CDC27: variants seen among roughly 807,000 people sequenced by gnomAD.
The protein encoded by CDC27 is cell division cycle protein 27 homolog.
A neutral mutation model predicts 109.7 loss-of-function variants in CDC27; 27 were observed. That is an observed-to-expected ratio of 0.25 (90% CI 0.18 to 0.34). The LOEUF is 0.34. Ranked by LOEUF, CDC27 falls within the 10% of genes least tolerant of loss-of-function variation. The pLI, the probability that CDC27 is intolerant of heterozygous loss-of-function variation, is 1.00. For synonymous variants in CDC27, 266 were observed against 333.9 expected, an observed-to-expected ratio of 0.80 and a Z score of 2.22; for missense variants, 579 against 960.2, an observed-to-expected ratio of 0.60 and a Z score of 5.25.
At chr17:47,153,201 T>C (rs1297473055) in intron 8 of CDC27, among the ~76,000 whole-genome samples, 2 of 152,250 alleles carry the variant, frequency 1.3e-5, no homozygotes, top group Admixed American at 6.5e-5. Flanking sequence ...CAGACCTACA[T>C]GCGTGACTTT....
Position 47,137,203 on chromosome 17 carries a change from A to G in CDC27, c.1862T>C (p.Leu621Ser). 1 of 1,611,266 alleles carries G rather than the reference A, an allele frequency of 6.2e-7. No individual in the cohort carries two copies. Reference protein sequence around the residue: ...FVLTEELDKALACFRNAIRVN... With the variant: ...FVLTEELDKASACFRNAIRVN... ...TCTGATAGCATTTCGAAAACAAGCTAATGCTTTGTCCAATTCTTCAGTTAA... is the reference window on the plus strand; with the variant it reads ...TCTGATAGCATTTCGAAAACAAGCTGATGCTTTGTCCAATTCTTCAGTTAA... The change falls in exon 14 of 19, where the codon TTA becomes TCA. Residue 621 changes from leucine to serine, a missense_variant. By Grantham distance (145) the Leu-to-Ser change is moderately radical. Around this residue, in one of 9 missense-constraint regions of CDC27, gnomAD observed 227 missense variants for 363.6 expected, o/e 0.62. Transcript: ENST00000066544.
intron 15 of CDC27, among the ~76,000 whole-genome samples, chr17:47,130,813 G>A (rs917704545): frequency 6.0e-5 from 9 of 150,990 alleles, no homozygotes; most frequent in African/African-American, 2.2e-4. Flanking sequence ...GGAGGTGGAG[G>A]TTGTGGTAAG....
At chr17:47,127,095 TA>T (rs1317968033) in intron 16 of CDC27, among the ~76,000 whole-genome samples, 1 of 152,040 alleles carries the variant, frequency 6.6e-6, no homozygotes, top group African/African-American at 2.4e-5. Flanking sequence ...CACCTGGCCC[TA>T]AAAGAAGGTT....
chr17:47,189,098 C>T (rs1402942655), intron 1 of CDC27, 48 bp downstream of exon 1: 3 of 1,602,536 alleles, frequency 1.9e-6, no homozygotes, highest in Non-Finnish European at 2.6e-6. Context: ...GCTGCTGCTT[C>T]CCGACCGAGG....
chr17:47,137,974 T>C (rs1215845651), intron 13 of CDC27, among the ~76,000 whole-genome samples: 2 of 152,052 alleles, frequency 1.3e-5, no homozygotes, highest in Non-Finnish European at 2.9e-5. Context: ...CTAATTTTTG[T>C]ATTTTTTGTG....
intron 8 of CDC27, among the ~76,000 whole-genome samples, chr17:47,152,564 A>C (rs1290242899): frequency 6.6e-6 from 1 of 151,886 alleles, no homozygotes; most frequent in African/African-American, 2.4e-5. Context: ...ATTTCTATTC[A>C]TTTCCACCAT....
At chr17:47,157,455 A>G (rs1598506843) in intron 5 of CDC27, 71 bp from the exon 6 acceptor site, 1 of 1,196,788 alleles carries the variant, frequency 8.4e-7, no homozygotes, top group Non-Finnish European at 1.2e-6. Context: ...AGTATGCATA[A>G]ATCAGTGGAA....
At position 47,157,243 on chromosome 17, in the gene CDC27, G is replaced by A. The variant is rs370849730; in HGVS notation, c.617C>T (p.Pro206Leu). Residue 206 changes from proline to leucine, a missense_variant, in exon 6 of 19, where the codon CCC (proline) becomes CTC (leucine). Physicochemically the swap from Pro to Leu is moderately conservative, Grantham distance 98 (BLOSUM62 -3). Coordinates refer to ENST00000066544, the MANE Select transcript of CDC27 (RefSeq NM_001256.6). ...TAAGACACTTACAATTGTGTCCTGG[G>A]GTGTTTCCGTAAGAACTGTCTCAGG... ...RQPETVLTET[P>L]QDTIELNRLN... 9.3e-6 allele frequency: 15 copies of A among 1,610,916 alleles called. No individual in the cohort carries two copies. The African/African-American group carries it at 2.0e-4, about 22-fold the overall frequency.
intron 1 of CDC27, among the ~76,000 whole-genome samples, chr17:47,188,102 T>C (rs768906900): frequency 7.9e-5 from 12 of 152,210 alleles, no homozygotes; most frequent in Non-Finnish European, 1.6e-4. Context: ...TATTTACTGT[T>C]TGATACCTCA....
intron 2 of CDC27, among the ~76,000 whole-genome samples, chr17:47,176,194 G>A (rs1249503980): frequency 6.6e-6 from 1 of 151,404 alleles, no homozygotes; most frequent in Non-Finnish European, 1.5e-5. Context: ...GTACATAAGT[G>A]TCCCTGAGCC....
intron 15 of CDC27, among the ~76,000 whole-genome samples, chr17:47,130,849 C>T (rs1042449632): frequency 2.7e-5 from 4 of 150,020 alleles, no homozygotes; most frequent in African/African-American, 9.8e-5. Flanking sequence ...TGCACTCCAG[C>T]CTGGGCAACA....
intron 2 of CDC27, among the ~76,000 whole-genome samples, chr17:47,177,927 C>G (rs982459591): frequency 6.6e-6 from 1 of 151,986 alleles, no homozygotes; most frequent in African/African-American, 2.4e-5. Context: ...TATTTTTTTC[C>G]TCATAGTCTA....
chr17:47,158,992 T>C (rs1283275151), intron 4 of CDC27, among the ~76,000 whole-genome samples: 1 of 152,226 alleles, frequency 6.6e-6, no homozygotes, highest in Non-Finnish European at 1.5e-5. Context: ...GCTCAAGTGA[T>C]CTGCCCACCA....
intron 8 of CDC27, 35 bp from the exon 9 acceptor site, chr17:47,151,953 A>C (rs899644780): frequency 1.3e-6 from 2 of 1,583,874 alleles, no homozygotes; most frequent in East Asian, 4.5e-5. Context: ...TTTGTGAATT[A>C]TGGGCTGCAC....
At chr17:47,188,212 A>G (rs1218040287) in intron 1 of CDC27, among the ~76,000 whole-genome samples, 1 of 152,210 alleles carries the variant, frequency 6.6e-6, no homozygotes, top group Non-Finnish European at 1.5e-5. Flanking sequence ...ATAGAGGTCA[A>G]TTCTGATCAA....
At chr17:47,133,028 T>TATATACATAC (rs1555783886) in intron 14 of CDC27, among the ~76,000 whole-genome samples, 9 of 29,822 alleles carry the variant, frequency 3.0e-4, no homozygotes, top group Admixed American at 5.1e-4. Context: ...TATATATATA[T>TATATACATAC]ACACACACAC....
chr17:47,169,567 C>A (rs2063750086), intron 4 of CDC27, among the ~76,000 whole-genome samples: 1 of 151,370 alleles, frequency 6.6e-6, no homozygotes, highest in African/African-American at 2.4e-5. Context: ...ATTGCTTGAA[C>A]CCTGGAGGTG....
Position 47,118,196 on chromosome 17 carries a change from C to T in CDC27, c.*2739G>A, listed in dbSNP as rs1449298568. ...CTCTGGCTAATCAGAGACTTCCAAACTTTTTTCTTCAAAAAGAGCATTTTT... is the reference window on the plus strand; with the variant it reads ...CTCTGGCTAATCAGAGACTTCCAAATTTTTTTCTTCAAAAAGAGCATTTTT... On this transcript the variant is annotated 3_prime_UTR_variant, in exon 19 of 19. Transcript: ENST00000066544. 6.6e-6 allele frequency: 1 copy of T among 152,124 alleles called. No individual in the cohort carries two copies. The highest frequency in any genetic ancestry group is 1.5e-5 in the Non-Finnish European group (1 of 68,012). The allele number at this position is 152,124 out of a possible 1,614,324, so 9.4% of individuals were successfully genotyped here.
rs1166601379 is a variant in CDC27, at chr17:47,189,273, C to G, written c.-101G>C. 8 of 911,926 alleles carry G rather than the reference C, an allele frequency of 8.8e-6. No individual in the cohort carries two copies. The highest frequency in any genetic ancestry group is 1.4e-5 in the Non-Finnish European group (8 of 555,746). The allele number at this position is 911,926 out of a possible 1,614,324, so 56.5% of individuals were successfully genotyped here. On this transcript the variant is annotated 5_prime_UTR_variant, in exon 1 of 19. Coordinates refer to ENST00000066544, the MANE Select transcript of CDC27 (RefSeq NM_001256.6). ...CATTTAAACTCACCAGCGACCGTTACCGGGGGATGGGGGAGGCCGAGCGAT... is the reference window on the plus strand; with the variant it reads ...CATTTAAACTCACCAGCGACCGTTAGCGGGGGATGGGGGAGGCCGAGCGAT...
Sources: allele counts gnomAD v4.1 joint callset (sites outside exome capture counted in the v4.1 genomes callset), GRCh38; gene constraint gnomAD v4.1.1; regional missense constraint gnomAD v4.1.1; transcripts MANE v1.5; gene names NCBI Gene and HGNC (gene_info 2026-07-23, HGNC 2026-07-21).